CSMD1: variants seen among roughly 807,000 people sequenced by gnomAD.
The protein encoded by CSMD1 is CUB and sushi domain-containing protein 1.
CSMD1 carries 213 observed loss-of-function variants against 417.5 expected under a neutral mutation model. That is an observed-to-expected ratio of 0.51 (90% confidence interval 0.46 to 0.57). CSMD1 has a LOEUF of 0.57. CSMD1 is among the 20% of genes least tolerant of loss of function. CSMD1 has a pLI of 0.00. For synonymous variants in CSMD1, 2,862 were observed against 1,736.8 expected (o/e 1.65, Z -16.11); for missense variants, 6,923 against 4,529.7 (o/e 1.53, Z -15.17).
intron 1 of CSMD1, among the ~76,000 whole-genome samples, chr8:4,643,555 G>T (rs984757916): frequency 8.6e-5 from 13 of 152,032 alleles, no homozygotes; most frequent in South Asian, 2.1e-4. Flanking sequence ...AAATAAAATG[G>T]TCCATTGCGA....
intron 10 of CSMD1, among the ~76,000 whole-genome samples, chr8:3,562,070 G>A (rs368174813): frequency 6.6e-5 from 10 of 151,168 alleles, no homozygotes; most frequent in African/African-American, 2.2e-4. Context: ...CAGGTTTAGA[G>A]TAAAAATTCG....
intron 3 of CSMD1, among the ~76,000 whole-genome samples, chr8:4,306,004 A>G (rs971957279): frequency 6.6e-6 from 1 of 152,162 alleles, no homozygotes; most frequent in African/African-American, 2.4e-5. Context: ...ATGGTTGTGC[A>G]ATATTATACT....
chr8:3,135,084 C>T (rs961008094), intron 41 of CSMD1, among the ~76,000 whole-genome samples: 3 of 152,064 alleles, frequency 2.0e-5, no homozygotes, highest in African/African-American at 7.2e-5. Context: ...ACACCACGCC[C>T]AGCTAATTTT....
chr8:4,685,552 G>C (rs1261976822), intron 1 of CSMD1, among the ~76,000 whole-genome samples: 2 of 151,902 alleles, frequency 1.3e-5, no homozygotes, highest in East Asian at 3.9e-4. Context: ...CTGCAGCCTG[G>C]GTGACAGAAT....
chr8:3,785,428 G>A (rs1285658853), intron 5 of CSMD1, among the ~76,000 whole-genome samples: 4 of 152,154 alleles, frequency 2.6e-5, no homozygotes, highest in Admixed American at 2.0e-4. Context: ...TAAGCAGCTG[G>A]GACCCAGCAA....
intron 2 of CSMD1, among the ~76,000 whole-genome samples, chr8:4,442,873 A>T (rs566339546): frequency 6.6e-6 from 1 of 152,274 alleles, no homozygotes; most frequent in East Asian, 1.9e-4. Context: ...TAAATTAATG[A>T]GATTGCTTGT....
intron 2 of CSMD1, among the ~76,000 whole-genome samples, chr8:4,431,415 G>A (rs1797866184): frequency 6.6e-6 from 1 of 152,124 alleles, no homozygotes; most frequent in Non-Finnish European, 1.5e-5. Flanking sequence ...TAGATTGAAG[G>A]AGGAACAAGG....
chr8:4,904,403 G>C (rs1010306371), intron 1 of CSMD1, among the ~76,000 whole-genome samples: 1 of 152,160 alleles, frequency 6.6e-6, no homozygotes, highest in Non-Finnish European at 1.5e-5. Context: ...GTCAGGCAAA[G>C]AACAAACAAC....
intron 3 of CSMD1, among the ~76,000 whole-genome samples, chr8:4,288,943 A>C (rs916328571): frequency 3.9e-5 from 6 of 152,300 alleles, no homozygotes; most frequent in Admixed American, 1.3e-4. Context: ...AATTACACTA[A>C]TAGTGTGGCA....
chr8:4,937,784 GCACA>G lies in CSMD1; in HGVS notation c.85+56544_85+56547del, dbSNP rs112025933. ...AGAAGTTTCTCACACAGTGGCGCGT[GCACA>G]CACACACACACACACACAACTACAA... On this transcript the variant is annotated intron_variant, in intron 1 of 69. Transcript: ENST00000635120. 5.0e-4 allele frequency among the ~76,000 whole-genome samples: 75 copies of G among 149,616 alleles called. No individual in the cohort carries two copies. The East Asian group carries it at 0.01, about 21-fold the overall frequency.
chr8:3,943,262 T>C (rs1811004248), intron 5 of CSMD1, among the ~76,000 whole-genome samples: 1 of 152,048 alleles, frequency 6.6e-6, no homozygotes, highest in Non-Finnish European at 1.5e-5. Flanking sequence ...ATTTTAGTTC[T>C]ATATTTTATA....
chr8:4,191,933 C>G (rs1027479893), intron 3 of CSMD1, among the ~76,000 whole-genome samples: 5 of 152,162 alleles, frequency 3.3e-5, no homozygotes, highest in African/African-American at 1.2e-4. Context: ...CAATTCAGCT[C>G]CCTTAAACCA....
At chr8:3,329,074 G>A (rs953818751) in intron 23 of CSMD1, among the ~76,000 whole-genome samples, 1 of 152,178 alleles carries the variant, frequency 6.6e-6, no homozygotes, top group Non-Finnish European at 1.5e-5. Context: ...GGAGGTGGAA[G>A]ATATGTAGTT....
At chr8:3,431,083 C>T (rs551911685) in intron 12 of CSMD1, among the ~76,000 whole-genome samples, 1 of 152,236 alleles carries the variant, frequency 6.6e-6, no homozygotes, top group South Asian at 2.1e-4. Flanking sequence ...GGCTTCCAGA[C>T]TTTCTGTTCT....
intron 46 of CSMD1, among the ~76,000 whole-genome samples, chr8:3,102,643 G>C (rs773462554): frequency 7.9e-5 from 12 of 152,304 alleles, no homozygotes; most frequent in Admixed American, 5.2e-4. Context: ...ACTTCTGAGG[G>C]AGGCCACTCT....
rs1161625328 is a variant in CSMD1, at chr8:3,414,212, C to CAAAAAAAAAAAAAAAA, written c.1562-4623_1562-4608dup. On this transcript the variant is annotated intron_variant, in intron 12 of 69. Coordinates refer to ENST00000635120, the MANE Select transcript of CSMD1 (RefSeq NM_033225.6). ...AATTCAAAGACTGATGCACCTAAAG[C>CAAAAAAAAAAAAAAAA]AAAAAAAAAAAAAAAAAAAAAAAAA... 1.4e-4 allele frequency among the ~76,000 whole-genome samples: 7 copies of CAAAAAAAAAAAAAAAA among 49,738 alleles called. 1 individual carries two copies. Among genetic ancestry groups the CAAAAAAAAAAAAAAAA allele is most frequent in the Non-Finnish European group, 1.8e-4 (5 of 28,298 alleles). The allele number at this position is 49,738 out of a possible 152,430, so 32.6% of individuals were successfully genotyped here.
chr8:3,398,990 G>T (rs962310149), intron 16 of CSMD1, among the ~76,000 whole-genome samples: 1 of 152,146 alleles, frequency 6.6e-6, no homozygotes, highest in Admixed American at 6.5e-5. Flanking sequence ...CGAGTGACCA[G>T]CAGCCACCAC....
At chr8:4,033,415 G>A (rs534719827) in intron 3 of CSMD1, among the ~76,000 whole-genome samples, 3 of 152,054 alleles carry the variant, frequency 2.0e-5, no homozygotes, top group African/African-American at 7.2e-5. Context: ...GCACTCCAGC[G>A]TGGGTGACAG....
chr8:3,747,378 A>G (rs1347067441), intron 6 of CSMD1, among the ~76,000 whole-genome samples: 1 of 122,502 alleles, frequency 8.2e-6, no homozygotes, highest in African/African-American at 3.3e-5. Context: ...ATCATCTTTG[A>G]AAACACTTTT....
Sources: gnomAD v4.1 joint callset for allele counts (sites outside exome capture counted in the v4.1 genomes callset) on GRCh38, gnomAD v4.1.1 for gene constraint, MANE v1.5 for transcripts, NCBI Gene and HGNC (gene_info 2026-07-23, HGNC 2026-07-21) for gene names.